Variants in MDGA2 observed in about 807,000 individuals in gnomAD.
The protein encoded by MDGA2 is MAM domain-containing glycosylphosphatidylinositol anchor protein 2.
In MDGA2, 40 loss-of-function variants were observed where a neutral mutation model predicts 117.8. The ratio of observed to expected loss-of-function variants is 0.34; its 90% CI spans 0.26 to 0.44. The LOEUF is 0.44. Among genes scored for constraint, MDGA2 ranks in the 20% least tolerant of loss-of-function variants. The pLI is 1.00. For missense variants in MDGA2, 1,123 were observed against 1,250.6 expected (o/e 0.90, Z 1.54); for synonymous variants, 452 against 439.0 (o/e 1.03, Z -0.37).
intron 10 of MDGA2, among the ~76,000 whole-genome samples, chr14:46,886,368 C>CA: frequency 6.6e-6 from 1 of 151,564 alleles, no homozygotes; most frequent in East Asian, 1.9e-4. Flanking sequence ...AAAATTTTCA[C>CA]AAAATATTGA....
At chr14:47,622,199 T>C (rs1406905045) in intron 1 of MDGA2, among the ~76,000 whole-genome samples, 1 of 152,162 alleles carries the variant, frequency 6.6e-6, no homozygotes, top group African/African-American at 2.4e-5. Flanking sequence ...AACGAAAAGG[T>C]AACCTGAAGA....
rs1892156332 is a variant in MDGA2, at chr14:47,401,874, GAATT to G, written c.281-100328_281-100325del. Among the ~76,000 whole-genome samples, 5 of 152,312 alleles carry G rather than the reference GAATT, an allele frequency of 3.3e-5. No homozygotes were observed. The South Asian group carries it at 1.0e-3, about 32-fold the overall frequency. On this transcript the variant is annotated intron_variant, in intron 1 of 16. Coordinates refer to ENST00000399232, the MANE Select transcript of MDGA2 (RefSeq NM_001113498.3). ...GGTAAGATTGCTTCATTGTGAAGTA[GAATT>G]AATACGGTCATTCTCAAGGGGTTGA...
chr14:46,986,521 A>G (rs1286509464), intron 8 of MDGA2, among the ~76,000 whole-genome samples: 1 of 16,472 alleles, frequency 6.1e-5, no homozygotes, highest in Non-Finnish European at 9.7e-5. Context: ...ATACTGATGT[A>G]AGATCTTTCT....
intron 2 of MDGA2, among the ~76,000 whole-genome samples, chr14:47,276,872 C>T (rs556893318): frequency 1.3e-5 from 2 of 152,206 alleles, no homozygotes; most frequent in South Asian, 4.1e-4. Context: ...CTTGATATTC[C>T]CTACTAGTTT....
chr14:47,522,167 T>A (rs1894880838), intron 1 of MDGA2, among the ~76,000 whole-genome samples: 1 of 152,198 alleles, frequency 6.6e-6, no homozygotes, highest in Non-Finnish European at 1.5e-5. Context: ...TAGAAAACTT[T>A]GCATTTCACT....
At chr14:47,114,164 C>T (rs548395559) in intron 5 of MDGA2, among the ~76,000 whole-genome samples, 1 of 152,128 alleles carries the variant, frequency 6.6e-6, no homozygotes, top group South Asian at 2.1e-4. Flanking sequence ...ACAACTGCTA[C>T]AAAGAGAATA....
chr14:47,293,431 C>T (rs1163901943), intron 2 of MDGA2, among the ~76,000 whole-genome samples: 1 of 152,174 alleles, frequency 6.6e-6, no homozygotes, highest in Non-Finnish European at 1.5e-5. Context: ...ACCCACATTA[C>T]CTCTACTCAA....
intron 1 of MDGA2, among the ~76,000 whole-genome samples, chr14:47,359,369 GCAAA>G (rs1010564757): frequency 5.5e-4 from 83 of 151,222 alleles, no homozygotes; most frequent in African/African-American, 1.6e-3. Context: ...AAACAAACAA[GCAAA>G]CAAACAAACA....
At position 46,962,259 on chromosome 14, in the gene MDGA2, T is replaced by C. The variant is rs546436071; in HGVS notation, c.1820-4616A>G. On this transcript the variant is annotated intron_variant, in intron 8 of 16. Transcript: ENST00000399232. Reference sequence around the variant, plus strand: ...TATAAAGGTCAACTTGTAACTATAATTTCAAGAATGGATAACCACATCATC... The same window carrying C: ...TATAAAGGTCAACTTGTAACTATAACTTCAAGAATGGATAACCACATCATC... Among the ~76,000 whole-genome samples the C allele has an allele frequency of 2.6e-4, 40 of 152,298 alleles. No individual in the cohort carries two copies. In the South Asian group the frequency reaches 3.7e-3, roughly 14 times the overall value.
chr14:47,304,445 G>C (rs576239330), intron 1 of MDGA2, among the ~76,000 whole-genome samples: 2 of 152,002 alleles, frequency 1.3e-5, no homozygotes, highest in Admixed American at 1.3e-4. Context: ...CCTAGACTAG[G>C]CTAGGGGTAT....
chr14:47,156,153 C>T (rs1479943832), intron 3 of MDGA2, among the ~76,000 whole-genome samples: 1 of 151,808 alleles, frequency 6.6e-6, no homozygotes, highest in African/African-American at 2.4e-5. Context: ...AAGTGATCTG[C>T]CCACCTTAGC....
chr14:47,585,391 A>C, intron 1 of MDGA2, among the ~76,000 whole-genome samples: 1 of 151,952 alleles, frequency 6.6e-6, no homozygotes, highest in East Asian at 1.9e-4. Context: ...ACTGATAACA[A>C]CAAAAAAACT....
At chr14:47,198,496 C>T (rs544219606) in intron 3 of MDGA2, among the ~76,000 whole-genome samples, 17 of 152,100 alleles carry the variant, frequency 1.1e-4, no homozygotes, top group African/African-American at 3.6e-4. Context: ...GGCGTGAACC[C>T]GGGAGGTGGA....
At chr14:47,277,727 G>A (rs1187289757) in intron 2 of MDGA2, among the ~76,000 whole-genome samples, 2 of 152,130 alleles carry the variant, frequency 1.3e-5, no homozygotes, top group South Asian at 2.1e-4. Flanking sequence ...AAGAAATACA[G>A]TGGGAGTTGG....
At chr14:47,067,330 A>G (rs1890122405) in intron 6 of MDGA2, among the ~76,000 whole-genome samples, 1 of 152,214 alleles carries the variant, frequency 6.6e-6, no homozygotes, top group Non-Finnish European at 1.5e-5. Context: ...ACAATGACCT[A>G]AGAAAATCTG....
intron 3 of MDGA2, among the ~76,000 whole-genome samples, chr14:47,204,984 T>C (rs539385368): frequency 6.6e-6 from 1 of 152,072 alleles, no homozygotes; most frequent in Non-Finnish European, 1.5e-5. Context: ...CTTCTATTGA[T>C]TGCTTTCTCT....
chr14:47,097,180 C>G, intron 5 of MDGA2, 57 bp from the exon 6 acceptor site: 6 of 1,553,294 alleles, frequency 3.9e-6, no homozygotes, highest in Non-Finnish European at 5.3e-6. Context: ...AACTAGAATT[C>G]AACAGCATGC....
intron 6 of MDGA2, among the ~76,000 whole-genome samples, chr14:47,080,917 C>T (rs983276513): frequency 1.3e-5 from 2 of 152,088 alleles, no homozygotes; most frequent in African/African-American, 4.8e-5. Flanking sequence ...TTCACATATC[C>T]TACTTTTACT....
intron 3 of MDGA2, among the ~76,000 whole-genome samples, chr14:47,168,902 C>G (rs928994411): frequency 6.6e-6 from 1 of 151,924 alleles, no homozygotes; most frequent in African/African-American, 2.4e-5. Context: ...ATCTGTTAAA[C>G]CTTAGCAACA....
Sources: allele counts gnomAD v4.1 joint callset (sites outside exome capture counted in the v4.1 genomes callset), GRCh38; gene constraint gnomAD v4.1.1; transcripts MANE v1.5; gene names NCBI Gene and HGNC (gene_info 2026-07-23, HGNC 2026-07-21).